COPA: variants seen among roughly 807,000 people sequenced by gnomAD.
The protein encoded by COPA is coat protein complex I subunit alpha, also known as coatomer subunit alpha.
In COPA, 10 loss-of-function variants were observed where a neutral mutation model predicts 158.7. The ratio of observed to expected loss-of-function variants is 0.06; its 90% CI spans 0.04 to 0.11. The LOEUF (loss-of-function observed/expected upper bound fraction) is 0.11. Among genes scored for constraint, COPA ranks in the 10% least tolerant of loss-of-function variants. COPA has a pLI of 1.00. For synonymous variants in COPA, 462 were observed against 542.8 expected, an observed-to-expected ratio of 0.85 and a Z score of 2.07; for missense variants, 1,065 against 1,536.7, an observed-to-expected ratio of 0.69 and a Z score of 5.13.
chr1:160,311,017 T>C (rs1658949534), intron 11 of COPA, among the ~76,000 whole-genome samples: 1 of 152,164 alleles, frequency 6.6e-6, no homozygotes, highest in Non-Finnish European at 1.5e-5. Context: ...ACTAGCATTC[T>C]CAAGAAGGGA....
intron 10 of COPA, 90 bp downstream of exon 10, chr1:160,312,995 A>G (rs1291930286): frequency 5.1e-6 from 6 of 1,178,496 alleles, no homozygotes; most frequent in East Asian, 2.4e-5. Flanking sequence ...TCATCCTACT[A>G]TACATTTACT....
chr1:160,313,442 T>C (rs554581792), intron 9 of COPA, among the ~76,000 whole-genome samples: 14 of 151,150 alleles, frequency 9.3e-5, no homozygotes, highest in South Asian at 4.2e-4. Flanking sequence ...TGAGACGGAG[T>C]CTCGCTCTGT....
In COPA at chr1:160,332,457, C is replaced by T; in HGVS notation, c.487G>A (p.Asp163Asn). 2.5e-6 allele frequency: 4 copies of T among 1,609,990 alleles called. No homozygotes were observed. The highest frequency in any genetic ancestry group is 3.4e-6 in the Non-Finnish European group (4 of 1,178,812). ...ASLDQTVRVWDISGLRKKNLS... is the reference protein window; with the variant it reads ...ASLDQTVRVWNISGLRKKNLS... Reference sequence around the variant, plus strand: ...AACTTGGGCAGCTCACCAGAAATATCCCAAACGCGCACAGTCTGGTCCAGG... The same window carrying T: ...AACTTGGGCAGCTCACCAGAAATATTCCAAACGCGCACAGTCTGGTCCAGG... Residue 163 changes from aspartate (D) to asparagine (N), a missense_variant, in exon 6 of 33, where the codon GAT becomes AAT. This residue lies in a region of COPA where 980 missense variants were observed against 1,357.8 expected (regional missense o/e 0.72). Transcript: ENST00000241704.
intron 6 of COPA, among the ~76,000 whole-genome samples, chr1:160,327,853 G>A (rs1291259396): frequency 2.0e-5 from 3 of 152,114 alleles, no homozygotes; most frequent in African/African-American, 7.2e-5. Flanking sequence ...GTGAAACTCC[G>A]TCTCAAAAAA....
intron 18 of COPA, 42 bp downstream of exon 18, chr1:160,299,060 G>A: frequency 1.4e-5 from 22 of 1,606,632 alleles, no homozygotes; most frequent in Non-Finnish European, 1.9e-5. Context: ...AAAAAAGAGT[G>A]CTGCCTCTCT....
At chr1:160,294,895 C>T (rs1416279680) in intron 23 of COPA, 38 bp from the exon 24 acceptor site, 4 of 1,586,906 alleles carry the variant, frequency 2.5e-6, no homozygotes, top group Non-Finnish European at 3.5e-6. Context: ...TGGTTATAGT[C>T]CAGCAAGTCT....
At position 160,305,736 on chromosome 1, in the gene COPA, C is replaced by T. The variant is rs750319602; in HGVS notation, c.1480G>A (p.Val494Ile). ...ASVKISKVKY[V>I]IWSADMSHVA... is the part of the protein sequence containing the mutation. ...TGTGACATGTCTGCTGACCAGATAA[C>T]GTATTTCACTTTAGAAATCTTCACA... Residue 494 changes from valine to isoleucine, a missense_variant, in exon 16 of 33, where the codon GTT becomes ATT. By Grantham distance (29) the Val-to-Ile change is conservative (BLOSUM62 3). Around this residue, in one of 2 missense-constraint regions of COPA, gnomAD observed 980 missense variants for 1,357.8 expected, o/e 0.72. Transcript: ENST00000241704. 1.4e-5 allele frequency: 22 copies of T among 1,613,998 alleles called. No individual in the cohort carries two copies. The highest frequency in any genetic ancestry group is 6.7e-5 in the Admixed American group (4 of 59,988).
intron 15 of COPA, 94 bp from the exon 16 acceptor site, chr1:160,305,867 C>A: frequency 1.0e-6 from 1 of 973,430 alleles, no homozygotes; most frequent in Non-Finnish European, 1.6e-6. Context: ...TTAATGTAAA[C>A]CCCAATTTCT....
intron 8 of COPA, 130 bp from the exon 9 acceptor site, chr1:160,314,255 T>C (rs17378379): frequency 0.026 from 22,869 of 864,198 alleles, 363 homozygotes; most frequent in Non-Finnish European, 0.031. Context: ...TTCTTTCTAA[T>C]ATGGCAATCT....
intron 6 of COPA, 84 bp from the exon 7 acceptor site, chr1:160,325,736 G>A: frequency 1.0e-6 from 1 of 952,626 alleles, no homozygotes; most frequent in Admixed American, 2.2e-5. Context: ...AGAAATTACA[G>A]TGAAAAAGAA....
At position 160,301,072 on chromosome 1, in the gene COPA, G is replaced by A. The variant is rs185555627; in HGVS notation, c.1668-1808C>T. Among the ~76,000 whole-genome samples the A allele has an allele frequency of 3.0e-3, 463 of 152,112 alleles. 4 individuals carry two copies. The highest frequency in any genetic ancestry group is 5.4e-3 in the Non-Finnish European group (365 of 67,990). ...GGTGGAGGTTGCAGTGAGCTGAGGTGCTTGAACCCGGGAGGTGGAGGTTGC... is the reference window on the plus strand; with the variant it reads ...GGTGGAGGTTGCAGTGAGCTGAGGTACTTGAACCCGGGAGGTGGAGGTTGC... On this transcript the variant is annotated intron_variant, in intron 17 of 32. Transcript: ENST00000241704.
chr1:160,289,512 G>A lies in COPA; in HGVS notation c.*645C>T, dbSNP rs1420250208. 6.6e-6 allele frequency: 1 copy of A among 151,934 alleles called. No homozygotes were observed. Among genetic ancestry groups the A allele is most frequent in the Non-Finnish European group, 1.5e-5 (1 of 68,026 alleles). The allele number at this position is 151,934 out of a possible 1,614,324, so 9.4% of individuals were successfully genotyped here. ...TATTACATCCTGCTCCTTTCTAGTT[G>A]ACAGGAAAGAAAGCTGCTGTGGGGA... On this transcript the variant is annotated 3_prime_UTR_variant, in exon 33 of 33. Coordinates refer to ENST00000241704, the MANE Select transcript of COPA (RefSeq NM_004371.4).
intron 6 of COPA, among the ~76,000 whole-genome samples, chr1:160,331,960 A>G (rs1218744978): frequency 6.6e-6 from 1 of 152,094 alleles, no homozygotes; most frequent in Non-Finnish European, 1.5e-5. Flanking sequence ...AAAAAAAAAA[A>G]AGGTATTCTG....
At chr1:160,321,638 A>C (rs954103952) in intron 8 of COPA, among the ~76,000 whole-genome samples, 1 of 152,094 alleles carries the variant, frequency 6.6e-6, no homozygotes, top group African/African-American at 2.4e-5. Context: ...AAGTACAAAA[A>C]TTAGCCAGGT....
intron 17 of COPA, among the ~76,000 whole-genome samples, chr1:160,304,787 AAAG>A (rs1482683781): frequency 1.3e-5 from 2 of 152,226 alleles, no homozygotes; most frequent in East Asian, 1.9e-4. Flanking sequence ...AACAGGTAAA[AAAG>A]AATGTTTAAG....
intron 11 of COPA, among the ~76,000 whole-genome samples, chr1:160,310,725 G>T (rs1285863635): frequency 6.6e-6 from 1 of 152,128 alleles, no homozygotes; most frequent in East Asian, 1.9e-4. Flanking sequence ...CACCATGAAT[G>T]TTTCAGCATG....
At position 160,343,241 on chromosome 1, in the gene COPA, C is replaced by T; in HGVS notation, c.-71G>A. On this transcript the variant is annotated 5_prime_UTR_variant, in exon 1 of 33. The change creates a new upstream start codon in the 5' untranslated region. Transcript: ENST00000241704. The stretch of plus-strand genomic sequence containing the variant: ...CCCTGCTGCCCTTCGGACGCCTCCA[C>T]GTCAGCGACCCTCTCCCGCGGTTTC... The T allele has an allele frequency of 6.2e-7, 1 of 1,601,072 alleles. No homozygotes were observed. The highest frequency in any genetic ancestry group is 8.6e-7 in the Non-Finnish European group (1 of 1,168,042).
intron 30 of COPA, 98 bp from the exon 31 acceptor site, chr1:160,291,594 T>C (rs2101820056): frequency 2.1e-6 from 3 of 1,413,238 alleles, no homozygotes; most frequent in Non-Finnish European, 2.9e-6. Context: ...CAACACAAAA[T>C]AGGATGATGG....
Position 160,306,417 on chromosome 1 carries a change from C to A in COPA, c.1379G>T (p.Gly460Val). 1 of 1,613,972 alleles carries A rather than the reference C, an allele frequency of 6.2e-7. No homozygotes were observed. The highest frequency in any genetic ancestry group is 8.5e-7 in the Non-Finnish European group (1 of 1,179,930). Residue 460 changes from glycine to valine, a missense_variant, in exon 15 of 33, where the codon GGC becomes GTC. Gly to Val is a moderately radical substitution (Grantham distance 109). This residue lies in a region of COPA where 980 missense variants were observed against 1,357.8 expected (regional missense o/e 0.72). Transcript: ENST00000241704. ...ATCTCGAAGCAGGAGATTGCCTGTG[C>A]CAGCATAGAAGATCTCATCACAGTT... The part of the protein sequence containing the change: ...VPNCDEIFYA[G>V]TGNLLLRDAD...
Sources: allele counts gnomAD v4.1 joint callset (sites outside exome capture counted in the v4.1 genomes callset), GRCh38; gene constraint gnomAD v4.1.1; regional missense constraint gnomAD v4.1.1; transcripts MANE v1.5; gene names NCBI Gene and HGNC (gene_info 2026-07-23, HGNC 2026-07-21).